The following WDR38 variants were observed in gnomAD, a reference collection of about 807,000 sequenced individuals.
WDR38 encodes the protein WD repeat-containing protein 38.
A neutral mutation model predicts 36.6 loss-of-function variants in WDR38; 37 were observed. The ratio of observed to expected loss-of-function variants is 1.01; its 90% CI spans 0.78 to 1.33. The LOEUF is 1.33. Among genes scored for constraint, WDR38 ranks in the 40% most tolerant of loss-of-function variants. The probability of loss-of-function intolerance (pLI) is 0.00; values close to 1 mark genes in which losing one functional copy is unlikely to be tolerated. For missense variants in WDR38, 411 were observed against 414.6 expected (o/e 0.99, Z 0.07); for synonymous variants, 164 against 168.1 (o/e 0.98, Z 0.19).
chr9:124,855,638 C>A lies in WDR38; in HGVS notation c.195C>A (p.Pro65=). Residue 65 remains proline (P), a synonymous_variant, in exon 3 of 9, where the codon CCC becomes CCA. Coordinates refer to ENST00000373574, the MANE Select transcript of WDR38 (RefSeq NM_001045476.3). Reference sequence around the variant, plus strand: ...TGACTGTGGCCACCCGCCCAGGCCCCGTGAAGTTCTGCCGCTTCTCCCCTG... The same window carrying A: ...TGACTGTGGCCACCCGCCCAGGCCCAGTGAAGTTCTGCCGCTTCTCCCCTG... ...LLWRLGGHTG[P]VKFCRFSPDG... The A allele has an allele frequency of 6.2e-7, 1 of 1,609,710 alleles. No homozygotes were observed. Among genetic ancestry groups the A allele is most frequent in the East Asian group, 2.2e-5 (1 of 44,882 alleles).
intron 2 of WDR38, 150 bp from the exon 3 acceptor site, chr9:124,855,484 G>A: frequency 1.3e-6 from 1 of 786,304 alleles, no homozygotes; most frequent in Admixed American, 2.4e-5. Context: ...CCCAGCCCAG[G>A]CCAAGGCATG....
Position 124,856,597 on chromosome 9 carries a change from C to T in WDR38, c.615C>T (p.Leu205=), listed in dbSNP as rs1421431407. 1.2e-6 allele frequency: 2 copies of T among 1,613,918 alleles called. No individual in the cohort carries two copies. Among genetic ancestry groups the T allele is most frequent in the South Asian group, 1.1e-5 (1 of 91,066 alleles). Residue 205 remains leucine, a synonymous_variant, in exon 6 of 9, where the codon CTC becomes CTT. Coordinates refer to ENST00000373574, the MANE Select transcript of WDR38 (RefSeq NM_001045476.3). ...GCCTGTGCTATTCAGCATCCGGCCTCCTGGTAAGTGGGGTGTCCTGGGTTC... is the reference window on the plus strand; with the variant it reads ...GCCTGTGCTATTCAGCATCCGGCCTTCTGGTAAGTGGGGTGTCCTGGGTTC... ...ISCLCYSASG[L]LASGSWDKTI... is the part of the protein sequence containing the mutation.
At position 124,854,196 on chromosome 9, in the gene WDR38, T is replaced by C. The variant is rs367651330; in HGVS notation, c.70-9T>C. ...CCCCAGAATGGGACCGCTTTTGTGC[T>C]GTTTCTAGGTCAACTCTTCTGCCTT... On this transcript the variant is annotated splice_polypyrimidine_tract_variant and intron_variant, in intron 1 of 8. Transcript: ENST00000373574. 7.1e-5 allele frequency: 114 copies of C among 1,613,856 alleles called. No individual in the cohort carries two copies. The highest frequency in any genetic ancestry group is 9.3e-5 in the Non-Finnish European group (110 of 1,179,896).
intron 4 of WDR38, 128 bp downstream of exon 4, chr9:124,856,086 C>T: frequency 1.3e-6 from 2 of 1,514,324 alleles, no homozygotes; most frequent in South Asian, 2.5e-5. Context: ...AGCAGGCAAC[C>T]AAGGCTGCCC....
At position 124,857,725 on chromosome 9, in the gene WDR38, G is replaced by T; in HGVS notation, c.*95G>T. 1 of 1,568,184 alleles carries T rather than the reference G, an allele frequency of 6.4e-7. No individual in the cohort carries two copies. Among genetic ancestry groups the T allele is most frequent in the Non-Finnish European group, 8.6e-7 (1 of 1,156,880 alleles). ...CCACAGACGCAAAGTGACTGTGCTG[G>T]CATCCAGCAGATCCCCATGGCCAGG... On this transcript the variant is annotated 3_prime_UTR_variant, in exon 9 of 9. Coordinates refer to ENST00000373574, the MANE Select transcript of WDR38 (RefSeq NM_001045476.3).
intron 2 of WDR38, among the ~76,000 whole-genome samples, 188 bp downstream of exon 2, chr9:124,854,513 AACAC>A (rs10533023): frequency 5.2e-4 from 65 of 124,552 alleles, no homozygotes; most frequent in African/African-American, 1.7e-3. Context: ...CTTCTTTAAA[AACAC>A]ACACACACAC....
chr9:124,854,463 T>C, intron 2 of WDR38, 138 bp downstream of exon 2: 5 of 1,345,202 alleles, frequency 3.7e-6, no homozygotes, highest in Non-Finnish European at 5.1e-6. Flanking sequence ...ACGAGATATC[T>C]GGGTGCTGGG....
intron 2 of WDR38, 124 bp from the exon 3 acceptor site, chr9:124,855,510 C>A: frequency 1.0e-6 from 1 of 971,254 alleles, no homozygotes; most frequent in African/African-American, 1.6e-5. Context: ...CCAGGCATTT[C>A]TGGGAAGCTG....
Position 124,854,195 on chromosome 9 carries a change from C to A in WDR38, c.70-10C>A. On this transcript the variant is annotated splice_polypyrimidine_tract_variant and intron_variant, in intron 1 of 8. Coordinates refer to ENST00000373574, the MANE Select transcript of WDR38 (RefSeq NM_001045476.3). ...TCCCCAGAATGGGACCGCTTTTGTG[C>A]TGTTTCTAGGTCAACTCTTCTGCCT... The A allele has an allele frequency of 6.2e-7, 1 of 1,613,802 alleles. No individual in the cohort carries two copies. The highest frequency in any genetic ancestry group is 8.5e-7 in the Non-Finnish European group (1 of 1,179,802).
At position 124,855,926 on chromosome 9, in the gene WDR38, T is replaced by C. The variant is rs780130126; in HGVS notation, c.373T>C (p.Trp125Arg). ...CTCGAGACAGCTGGCATCAGGTGGC[T>C]GGGACAAGCGGGTGATGCTCTGGGA... ...PDSRQLASGG[W>R]DKRVMLWDVQ... The change falls in exon 4 of 9, where the codon TGG becomes CGG. Residue 125 changes from tryptophan to arginine, a missense_variant. Transcript: ENST00000373574. The C allele has an allele frequency of 1.2e-6, 2 of 1,614,048 alleles. No individual in the cohort carries two copies. The highest frequency in any genetic ancestry group is 2.2e-5 in the South Asian group (2 of 91,088).
Position 124,856,264 on chromosome 9 carries a change from G to C in WDR38, c.430G>C (p.Val144Leu), listed in dbSNP as rs1197896756. 6.2e-7 allele frequency: 1 copy of C among 1,614,082 alleles called. No individual in the cohort carries two copies. The highest frequency in any genetic ancestry group is 8.5e-7 in the Non-Finnish European group (1 of 1,180,056). Residue 144 changes from valine (V) to leucine (L), a missense_variant, in exon 5 of 9, where the codon GTT becomes CTT. By Grantham distance (32) the Val-to-Leu change is conservative (BLOSUM62 1). Transcript: ENST00000373574. ...GTCCGGCCAGATGCTGCGCCTCTTA[G>C]TTGGGCACCGTGACTCCATCCAGAG... Reference protein sequence around the residue: ...VQSGQMLRLLVGHRDSIQSSD... With the variant: ...VQSGQMLRLLLGHRDSIQSSD...
chr9:124,856,695 C>A, intron 6 of WDR38, 37 bp from the exon 7 acceptor site: 1 of 1,613,852 alleles, frequency 6.2e-7, no homozygotes, highest in Non-Finnish European at 8.5e-7. Context: ...AGCTCACAGG[C>A]CCCAAACCCT....
At chr9:124,856,370 T>C (rs977175548) in intron 5 of WDR38, 50 bp downstream of exon 5, 1 of 1,613,606 alleles carries the variant, frequency 6.2e-7, no homozygotes, top group Non-Finnish European at 8.5e-7. Context: ...CCATACCCAC[T>C]TGGAGCTGAG....
rs770315624 is a variant in WDR38, at chr9:124,853,571, G to T, written c.40G>T (p.Val14Leu). 7.9e-7 allele frequency: 1 copy of T among 1,264,032 alleles called. No homozygotes were observed. Among genetic ancestry groups the T allele is most frequent in the Non-Finnish European group, 1.0e-6 (1 of 997,180 alleles). The allele number at this position is 1,264,032 out of a possible 1,614,324, so 78.3% of individuals were successfully genotyped here. ...GVPATLAVRR[V>L]KFFGQHGGEV... ...CCCGGCCACGCTGGCCGTGCGGAGA[G>T]TGAAATTCTTCGGCCAGCACGGCGG... is the stretch of plus-strand genomic sequence containing the variant. Residue 14 changes from valine (V) to leucine (L), a missense_variant, in exon 1 of 9, where the codon GTG becomes TTG. Val to Leu is a conservative substitution (Grantham distance 32). Coordinates refer to ENST00000373574, the MANE Select transcript of WDR38 (RefSeq NM_001045476.3).
rs1382627658 is a variant in WDR38 at position 124,856,521 on chromosome 9, C to T, written c.539C>T (p.Thr180Ile). 1 of 1,612,534 alleles carries T rather than the reference C, an allele frequency of 6.2e-7. No individual in the cohort carries two copies. The highest frequency in any genetic ancestry group is 2.2e-5 in the East Asian group (1 of 44,800). Residue 180 changes from threonine to isoleucine, a missense_variant, in exon 6 of 9, where the codon ACC (threonine) becomes ATC (isoleucine). Transcript: ENST00000373574. ...TVHIWDLRMV[T>I]PAVSHQALEG... ...CACATCTGGGACCTGCGGATGGTGA[C>T]CCCAGCAGTCTCCCACCAGGCGCTA... is the stretch of plus-strand genomic sequence containing the variant.
intron 7 of WDR38, 47 bp from the exon 8 acceptor site, chr9:124,857,317 C>G (rs1237834937): frequency 1.2e-6 from 2 of 1,607,510 alleles, no homozygotes; most frequent in African/African-American, 2.7e-5. Context: ...CTTCAGATGC[C>G]ACAGTGGCCT....
chr9:124,856,198 G>A (rs372359427), intron 4 of WDR38, 42 bp from the exon 5 acceptor site: 31 of 1,613,322 alleles, frequency 1.9e-5, no homozygotes, highest in Middle Eastern at 1.6e-4. Context: ...CCAGGTAGCC[G>A]GCTGCCCTCT....
chr9:124,856,877 G>T lies in WDR38; in HGVS notation c.764G>T (p.Arg255Leu). ...TGGCTGGCCAGCGCCGGCTATTCCC[G>T]CATGGTAACCACCCCGGGCCCATCC... ...ELWLASAGYS[R>L]MVKVWDCNTG... is the part of the protein sequence containing the mutation. Residue 255 changes from arginine (R) to leucine (L), a missense_variant, in exon 7 of 9, where the codon CGC becomes CTC. Arg to Leu is a moderately radical substitution (Grantham distance 102). Coordinates refer to ENST00000373574, the MANE Select transcript of WDR38 (RefSeq NM_001045476.3). The T allele has an allele frequency of 6.2e-7, 1 of 1,613,768 alleles. No homozygotes were observed. Among genetic ancestry groups the T allele is most frequent in the South Asian group, 1.1e-5 (1 of 91,090 alleles).
intron 2 of WDR38, 86 bp from the exon 3 acceptor site, chr9:124,855,548 G>A (rs1346641286): frequency 1.0e-5 from 14 of 1,374,510 alleles, no homozygotes; most frequent in South Asian, 2.5e-5. Context: ...GGCTGGCGAC[G>A]AGGCTGGAGA....
Sources: allele counts gnomAD v4.1 joint callset (sites outside exome capture counted in the v4.1 genomes callset), GRCh38; gene constraint gnomAD v4.1.1; transcripts MANE v1.5; gene names NCBI Gene and HGNC (gene_info 2026-07-23, HGNC 2026-07-21).